Variants in SDK1 observed in about 807,000 individuals in gnomAD.
The protein encoded by SDK1 is sidekick cell adhesion molecule 1, also known as protein sidekick-1.
A neutral mutation model predicts 245.5 loss-of-function variants in SDK1; 157 were observed. The observed-to-expected ratio is 0.64, with a 90% CI of 0.56 to 0.73. SDK1 has a LOEUF of 0.73. SDK1 is among the 30% of genes least tolerant of loss of function. SDK1 has a pLI of 0.00. For synonymous variants in SDK1, 1,647 were observed against 1,278.5 expected, an observed-to-expected ratio of 1.29 and a Z score of -6.15; for missense variants, 3,583 against 3,002.3, an observed-to-expected ratio of 1.19 and a Z score of -4.52.
At chr7:3,609,232 C>A (rs574348133) in intron 1 of SDK1, among the ~76,000 whole-genome samples, 1 of 152,098 alleles carries the variant, frequency 6.6e-6, no homozygotes, top group South Asian at 2.1e-4. Context: ...ATTTAGGTGT[C>A]CTTAATTTTT....
At chr7:3,836,158 C>T (rs964828079) in intron 5 of SDK1, among the ~76,000 whole-genome samples, 15 of 152,184 alleles carry the variant, frequency 9.9e-5, no homozygotes, top group Non-Finnish European at 1.5e-4. Context: ...GAATGAGCCA[C>T]GTGGAATAAC....
chr7:3,410,977 G>A (rs1400606541), intron 1 of SDK1, among the ~76,000 whole-genome samples: 1 of 151,998 alleles, frequency 6.6e-6, no homozygotes, highest in Non-Finnish European at 1.5e-5. Flanking sequence ...GGAAAGACAG[G>A]ACAAAATACC....
rs1185798464 is a variant in SDK1, at chr7:4,079,457, C to T, written c.3203-6C>T. On this transcript the variant is annotated splice_region_variant and splice_polypyrimidine_tract_variant and intron_variant, in intron 21 of 44. Transcript: ENST00000404826. Reference sequence around the variant, plus strand: ...TCTCTCCCTTTCCTCCCTGGTTCCTCTCTAGACCTTCCTGGTGCCCCATCC... The same window carrying T: ...TCTCTCCCTTTCCTCCCTGGTTCCTTTCTAGACCTTCCTGGTGCCCCATCC... 1 of 1,614,090 alleles carries T rather than the reference C, an allele frequency of 6.2e-7. No homozygotes were observed. Among genetic ancestry groups the T allele is most frequent in the East Asian group, 2.2e-5 (1 of 44,904 alleles).
intron 4 of SDK1, among the ~76,000 whole-genome samples, chr7:3,691,665 C>G (rs1348298831): frequency 2.0e-5 from 3 of 152,082 alleles, no homozygotes; most frequent in African/African-American, 7.2e-5. Flanking sequence ...CTCTTGTGAC[C>G]TTGGTTGCAC....
At chr7:3,943,660 G>T (rs780983403) in intron 5 of SDK1, among the ~76,000 whole-genome samples, 4 of 151,732 alleles carry the variant, frequency 2.6e-5, no homozygotes, top group African/African-American at 9.7e-5. Flanking sequence ...CCATTCATCC[G>T]ACTTTATTTG....
chr7:3,986,092 G>T (rs1783808518), intron 13 of SDK1, among the ~76,000 whole-genome samples: 1 of 152,112 alleles, frequency 6.6e-6, no homozygotes, highest in Non-Finnish European at 1.5e-5. Context: ...TGAAGGTTCA[G>T]TACAGGGCCC....
intron 1 of SDK1, among the ~76,000 whole-genome samples, chr7:3,326,232 G>C (rs971205648): frequency 3.3e-5 from 5 of 152,044 alleles, no homozygotes; most frequent in African/African-American, 1.2e-4. Flanking sequence ...GAACATTTTG[G>C]TGAACATGTT....
intron 44 of SDK1, among the ~76,000 whole-genome samples, chr7:4,264,570 C>T (rs1295296536): frequency 1.5e-5 from 2 of 132,166 alleles, no homozygotes; most frequent in Admixed American, 7.3e-5. Flanking sequence ...GCCGCGTGGA[C>T]CTCTCCTGAG....
intron 1 of SDK1, among the ~76,000 whole-genome samples, chr7:3,320,153 C>T (rs1343194848): frequency 6.6e-6 from 1 of 151,960 alleles, no homozygotes. Flanking sequence ...ACACGCACTC[C>T]CCTCTCATTC....
intron 4 of SDK1, among the ~76,000 whole-genome samples, chr7:3,715,714 C>T (rs763687970): frequency 1.3e-5 from 2 of 152,132 alleles, no homozygotes; most frequent in Non-Finnish European, 2.9e-5. Context: ...GGAGTCTTAA[C>T]ATAATATCGA....
intron 1 of SDK1, among the ~76,000 whole-genome samples, chr7:3,578,073 C>G (rs953942438): frequency 6.6e-6 from 1 of 151,906 alleles, no homozygotes; most frequent in Non-Finnish European, 1.5e-5. Context: ...TGTATATTTT[C>G]TCTCTCTAAT....
intron 5 of SDK1, among the ~76,000 whole-genome samples, chr7:3,906,252 G>A (rs903731411): frequency 1.1e-4 from 16 of 151,924 alleles, no homozygotes; most frequent in Non-Finnish European, 8.8e-5. Context: ...TATTTTGTTA[G>A]AACTTTAATT....
At chr7:3,376,052 C>A (rs1781347749) in intron 1 of SDK1, among the ~76,000 whole-genome samples, 2 of 152,122 alleles carry the variant, frequency 1.3e-5, no homozygotes, top group Admixed American at 1.3e-4. Flanking sequence ...TCCAGATGTG[C>A]TGGGCATGGT....
At chr7:4,066,650 C>G (rs1228183164) in intron 19 of SDK1, among the ~76,000 whole-genome samples, 1 of 152,220 alleles carries the variant, frequency 6.6e-6, no homozygotes, top group Non-Finnish European at 1.5e-5. Flanking sequence ...CCCATCACCA[C>G]ACAGTGTGGG....
At chr7:3,542,049 TATA>T (rs1473404017) in intron 1 of SDK1, among the ~76,000 whole-genome samples, 1 of 152,198 alleles carries the variant, frequency 6.6e-6, no homozygotes. Context: ...AAAATTAAAG[TATA>T]ATGATAGAAA....
chr7:3,435,192 T>A (rs1163231985), intron 1 of SDK1, among the ~76,000 whole-genome samples: 1 of 151,660 alleles, frequency 6.6e-6, no homozygotes, highest in Admixed American at 6.6e-5. Context: ...TTTTTCTCAT[T>A]ATTTATGGAA....
chr7:3,706,196 A>C (rs980030919), intron 4 of SDK1, among the ~76,000 whole-genome samples: 5 of 152,052 alleles, frequency 3.3e-5, no homozygotes, highest in African/African-American at 1.2e-4. Flanking sequence ...TTGCATCTAT[A>C]TTCATCAAGG....
At chr7:4,052,238 C>G (rs1034774298) in intron 19 of SDK1, among the ~76,000 whole-genome samples, 1 of 150,986 alleles carries the variant, frequency 6.6e-6, no homozygotes, top group Non-Finnish European at 1.5e-5. Flanking sequence ...TTCCCCACGC[C>G]CTTCTAAGCT....
chr7:4,245,036 T>C (rs773622225), intron 43 of SDK1, among the ~76,000 whole-genome samples: 1 of 152,110 alleles, frequency 6.6e-6, no homozygotes, highest in Non-Finnish European at 1.5e-5. Flanking sequence ...CTTCACCCAT[T>C]CCATTTAATG....
Sources: allele counts gnomAD v4.1 joint callset (sites outside exome capture counted in the v4.1 genomes callset), GRCh38; gene constraint gnomAD v4.1.1; transcripts MANE v1.5; gene names NCBI Gene and HGNC (gene_info 2026-07-23, HGNC 2026-07-21).